The following ARHGAP6 variants were observed in gnomAD, a reference collection of about 807,000 sequenced individuals.
ARHGAP6 encodes the protein Rho GTPase activating protein 6, also known as rho GTPase-activating protein 6.
Under a neutral mutation model 55.7 loss-of-function variants are expected in ARHGAP6, and 16 were observed. The ratio of observed to expected loss-of-function variants is 0.29; its 90% confidence interval spans 0.19 to 0.44. The LOEUF is 0.44. Among genes scored for constraint, ARHGAP6 ranks in the 20% least tolerant of loss-of-function variants. The pLI is 1.00. For missense variants in ARHGAP6, 698 were observed against 808.9 expected (o/e 0.86, Z 1.66); for synonymous variants, 382 against 360.9 (o/e 1.06, Z -0.66).
In ARHGAP6 at chrX:11,336,870, G is replaced by C. The variant is rs183202344; in HGVS notation, c.589-82163C>G. Reference sequence around the variant, plus strand: ...TTTGCCACTACAGGGAAATAATGCAGCCAAGCATGATTCAGGAACATTTCC... The same window carrying C: ...TTTGCCACTACAGGGAAATAATGCACCCAAGCATGATTCAGGAACATTTCC... On this transcript the variant is annotated intron_variant, in intron 1 of 12. Transcript: ENST00000337414. 5.6e-3 allele frequency among the ~76,000 whole-genome samples: 624 copies of C among 111,789 alleles called. 13 individuals carry two copies. Among genetic ancestry groups the C allele is most frequent in the Admixed American group, 0.056 (586 of 10,507 alleles).
intron 1 of ARHGAP6, among the ~76,000 whole-genome samples, chrX:11,465,834 C>T (rs1002742318): frequency 8.9e-6 from 1 of 112,016 alleles, no homozygotes; most frequent in African/African-American, 3.2e-5. Flanking sequence ...GTGGCTACCA[C>T]GTTGGATAGC....
intron 1 of ARHGAP6, among the ~76,000 whole-genome samples, chrX:11,278,126 A>G (rs1336327046): frequency 8.9e-6 from 1 of 111,791 alleles, no homozygotes; most frequent in Non-Finnish European, 1.9e-5. Context: ...GAGAAATGGA[A>G]GAAGCCACTA....
intron 1 of ARHGAP6, among the ~76,000 whole-genome samples, chrX:11,624,027 G>T (rs1239582864): frequency 1.8e-5 from 2 of 111,396 alleles, no homozygotes; most frequent in Non-Finnish European, 3.8e-5. Flanking sequence ...CATAAAAATA[G>T]ACACAGACCA....
At chrX:11,466,394 T>C (rs1178276202) in intron 1 of ARHGAP6, among the ~76,000 whole-genome samples, 1 of 110,441 alleles carries the variant, frequency 9.1e-6, no homozygotes, top group Non-Finnish European at 1.9e-5. Flanking sequence ...ATAACCTCTT[T>C]GGTATCCTTA....
chrX:11,411,549 C>T (rs1211102950), intron 1 of ARHGAP6, among the ~76,000 whole-genome samples: 4 of 109,469 alleles, frequency 3.7e-5, no homozygotes, highest in Non-Finnish European at 7.6e-5. Flanking sequence ...TCTTAGAAGT[C>T]TGGTGTCTAG....
At chrX:11,232,208 C>T (rs2047140283) in intron 2 of ARHGAP6, among the ~76,000 whole-genome samples, 1 of 111,870 alleles carries the variant, frequency 8.9e-6, no homozygotes. Flanking sequence ...ATGTTTGTAT[C>T]CATTGTCCAG....
chrX:11,608,440 T>A (rs781436003), intron 1 of ARHGAP6, among the ~76,000 whole-genome samples: 2 of 111,537 alleles, frequency 1.8e-5, no homozygotes, highest in South Asian at 7.6e-4. Flanking sequence ...ATCAATATTA[T>A]CATCATCGCC....
chrX:11,590,799 A>AAGAAAAGAAAAGAAAAGAAT (rs2051800604), intron 1 of ARHGAP6, among the ~76,000 whole-genome samples: 1 of 42,633 alleles, frequency 2.3e-5, no homozygotes, highest in African/African-American at 1.4e-4. Context: ...AAGAAAAGAA[A>AAGAAAAGAAAAGAAAAGAAT]AGAAAAGAAA....
intron 12 of ARHGAP6, among the ~76,000 whole-genome samples, chrX:11,140,758 T>C (rs1220534734): frequency 8.9e-6 from 1 of 112,176 alleles, no homozygotes; most frequent in Non-Finnish European, 1.9e-5. Context: ...CAGTTAGCTT[T>C]CCCTAAAGGA....
In ARHGAP6 at chrX:11,188,321, G is replaced by A. The variant is rs760811018; in HGVS notation, c.1077+407C>T. Among the ~76,000 whole-genome samples the A allele has an allele frequency of 9.8e-5, 11 of 112,055 alleles. No individual in the cohort carries two copies. In the South Asian group the frequency reaches 1.9e-3, roughly 19 times the overall value. On this transcript the variant is annotated intron_variant, in intron 4 of 12. Transcript: ENST00000337414. ...AGCTCATTGTTTATGAAGACCCACC[G>A]CCAATTCATTTGGCCAGGCATGTTC...
At chrX:11,188,235 G>T (rs2046410788) in intron 4 of ARHGAP6, among the ~76,000 whole-genome samples, 1 of 111,215 alleles carries the variant, frequency 9.0e-6, no homozygotes, top group Admixed American at 9.5e-5. Context: ...TTTGAAAGAG[G>T]ATATATAGAG....
intron 1 of ARHGAP6, among the ~76,000 whole-genome samples, chrX:11,392,735 C>T (rs1372955539): frequency 8.9e-6 from 1 of 111,982 alleles, no homozygotes; most frequent in South Asian, 3.7e-4. Context: ...GAATCAAAGG[C>T]AGGCATCTGA....
intron 1 of ARHGAP6, among the ~76,000 whole-genome samples, chrX:11,430,800 G>A (rs1284442710): frequency 8.9e-6 from 1 of 111,870 alleles, no homozygotes; most frequent in Non-Finnish European, 1.9e-5. Flanking sequence ...TACATGGATA[G>A]ATTGTGTGGT....
intron 1 of ARHGAP6, among the ~76,000 whole-genome samples, chrX:11,617,138 G>C (rs2052175393): frequency 8.9e-6 from 1 of 111,980 alleles, no homozygotes; most frequent in African/African-American, 3.2e-5. Flanking sequence ...TTTGAAGACA[G>C]TATAAAACAA....
rs1172690725 is a variant in ARHGAP6 at position 11,264,645 on chromosome X, G to T, written c.589-9938C>A. Among the ~76,000 whole-genome samples the T allele has an allele frequency of 6.3e-5, 7 of 111,760 alleles. No homozygotes were observed. The Admixed American group carries it at 6.7e-4, about 11-fold the overall frequency. ...ACAAATCTCAGGGTTGCAAAAACTGGAAACACTGGCATGAATTAGAAATTT... is the reference window on the plus strand; with the variant it reads ...ACAAATCTCAGGGTTGCAAAAACTGTAAACACTGGCATGAATTAGAAATTT... On this transcript the variant is annotated intron_variant, in intron 1 of 12. Coordinates refer to ENST00000337414, the MANE Select transcript of ARHGAP6 (RefSeq NM_013427.3).
chrX:11,265,376 C>A (rs1250989439), intron 1 of ARHGAP6, among the ~76,000 whole-genome samples: 1 of 112,221 alleles, frequency 8.9e-6, no homozygotes, highest in Non-Finnish European at 1.9e-5. Context: ...ACCACTTTAC[C>A]CTTTCAGACT....
intron 1 of ARHGAP6, among the ~76,000 whole-genome samples, chrX:11,553,417 T>A (rs2051290505): frequency 9.2e-6 from 1 of 109,249 alleles, no homozygotes; most frequent in Non-Finnish European, 1.9e-5. Context: ...AATTTTTGTA[T>A]TTTTTTTTAG....
At chrX:11,592,345 C>G (rs980309087) in intron 1 of ARHGAP6, among the ~76,000 whole-genome samples, 46 of 112,021 alleles carry the variant, frequency 4.1e-4, no homozygotes, top group African/African-American at 1.5e-3. Context: ...TGTTGTGGTT[C>G]TTTGTGTGCC....
At chrX:11,616,251 G>A (rs1298108457) in intron 1 of ARHGAP6, among the ~76,000 whole-genome samples, 2 of 111,432 alleles carry the variant, frequency 1.8e-5, no homozygotes, top group Non-Finnish European at 3.8e-5. Flanking sequence ...AAAAGCCCTT[G>A]CCAGTAACCA....
Sources: gnomAD v4.1 joint callset for allele counts (sites outside exome capture counted in the v4.1 genomes callset) on GRCh38, gnomAD v4.1.1 for gene constraint, MANE v1.5 for transcripts, NCBI Gene and HGNC (gene_info 2026-07-23, HGNC 2026-07-21) for gene names.